Variants in ZFAT observed in about 807,000 individuals in gnomAD.
ZFAT encodes zinc finger protein ZFAT.
ZFAT carries 64 observed loss-of-function variants against 117.7 expected under a neutral mutation model. That is an observed-to-expected ratio of 0.54 (90% CI 0.44 to 0.67). The LOEUF is 0.67. Among genes scored for constraint, ZFAT ranks in the 30% least tolerant of loss-of-function variants. The probability of loss-of-function intolerance (pLI) is 0.00; values close to 1 mark genes in which losing one functional copy is unlikely to be tolerated. For missense variants in ZFAT, 1,433 were observed against 1,584.5 expected (o/e 0.90, Z 1.62); for synonymous variants, 679 against 615.0 (o/e 1.10, Z -1.54).
chr8:134,544,859 C>A (rs1822570551), intron 11 of ZFAT, among the ~76,000 whole-genome samples: 1 of 152,194 alleles, frequency 6.6e-6, no homozygotes, highest in South Asian at 2.1e-4. Flanking sequence ...CATGCGGCTG[C>A]AAACTGGTGC....
intron 10 of ZFAT, among the ~76,000 whole-genome samples, chr8:134,573,912 T>G (rs1320720701): frequency 1.3e-5 from 2 of 152,248 alleles, no homozygotes; most frequent in African/African-American, 2.4e-5. Context: ...GCACAGGGTC[T>G]GGAGTCAGAG....
intron 11 of ZFAT, among the ~76,000 whole-genome samples, chr8:134,554,495 G>A (rs536257354): frequency 2.4e-4 from 37 of 152,302 alleles, no homozygotes; most frequent in Admixed American, 2.1e-3. Context: ...CCTCTTCCCT[G>A]TGAAATGGAG....
the ZFAT span, among the ~76,000 whole-genome samples, chr8:134,737,150 C>T: frequency 6.6e-6 from 1 of 151,946 alleles, no homozygotes; most frequent in African/African-American, 2.4e-5. Flanking sequence ...CGTGGTGGCG[C>T]ATGATTGTAA....
chr8:134,709,319 T>C (rs1482272811), intron 1 of ZFAT, among the ~76,000 whole-genome samples: 2 of 152,196 alleles, frequency 1.3e-5, no homozygotes, highest in Non-Finnish European at 2.9e-5. Flanking sequence ...ACAAACCCCA[T>C]TTCCTGAATG....
intron 14 of ZFAT, chr8:134,510,654 T>C (rs1258039474): frequency 1.9e-5 from 3 of 156,220 alleles, no homozygotes; most frequent in Non-Finnish European, 4.3e-5. Context: ...AAATGTACCT[T>C]GCAGCCAACC....
At chr8:134,520,189 G>C (rs937849901) in intron 13 of ZFAT, among the ~76,000 whole-genome samples, 6 of 152,142 alleles carry the variant, frequency 3.9e-5, no homozygotes, top group African/African-American at 9.7e-5. Flanking sequence ...GATGGGGTTG[G>C]GGGGATGATG....
Position 134,563,594 on chromosome 8 carries a change from G to A in ZFAT, c.2976+1739C>T, listed in dbSNP as rs781233195. The stretch of plus-strand genomic sequence containing the variant: ...GCAGGTGAGTCAATATCATCATGGT[G>A]ACTGAAGTCAGTGGATATAGCCATG... On this transcript the variant is annotated intron_variant, in intron 11 of 15. Coordinates refer to ENST00000377838, the MANE Select transcript of ZFAT (RefSeq NM_020863.4). Among the ~76,000 whole-genome samples the A allele has an allele frequency of 2.0e-5, 3 of 152,330 alleles. No homozygotes were observed. In the South Asian group the frequency reaches 6.2e-4, roughly 32 times the overall value.
chr8:134,546,161 T>C (rs556346070), intron 11 of ZFAT, among the ~76,000 whole-genome samples: 10 of 152,328 alleles, frequency 6.6e-5, no homozygotes, highest in African/African-American at 1.9e-4. Context: ...TACTATAACA[T>C]ATTCCAAAAA....
intron 15 of ZFAT, among the ~76,000 whole-genome samples, chr8:134,480,842 G>A (rs1360297770): frequency 6.6e-6 from 1 of 152,218 alleles, no homozygotes. Flanking sequence ...CTGGCTTGGA[G>A]GGTCTCATCC....
At chr8:134,627,185 C>T (rs1395877832) in intron 3 of ZFAT, among the ~76,000 whole-genome samples, 1 of 152,184 alleles carries the variant, frequency 6.6e-6, no homozygotes, top group Non-Finnish European at 1.5e-5. Flanking sequence ...ATGTATTTTA[C>T]ACCATTCTGG....
chr8:134,492,868 A>C (rs574098762), intron 15 of ZFAT, among the ~76,000 whole-genome samples: 13 of 152,344 alleles, frequency 8.5e-5, no homozygotes, highest in African/African-American at 3.1e-4. Context: ...AATATGTGCA[A>C]GAAACTTGTG....
rs540456895 is a variant in ZFAT at position 134,553,148 on chromosome 8, G to A, written c.2976+12185C>T. On this transcript the variant is annotated intron_variant, in intron 11 of 15. Coordinates refer to ENST00000377838, the MANE Select transcript of ZFAT (RefSeq NM_020863.4). ...AGCAGTGAAGGGCAGGGCCACTGAG[G>A]AGAGAGACATTCACTGTTAGAAGGA... Among the ~76,000 whole-genome samples, 12 of 152,324 alleles carry A rather than the reference G, an allele frequency of 7.9e-5. No homozygotes were observed. In the East Asian group the frequency reaches 2.1e-3, roughly 27 times the overall value.
At chr8:134,726,861 C>A in the ZFAT span, among the ~76,000 whole-genome samples, 2 of 152,122 alleles carry the variant, frequency 1.3e-5, no homozygotes, top group African/African-American at 2.4e-5. Context: ...CACCGCCTCC[C>A]AAAATGCTGG....
chr8:134,753,905 G>GA, the ZFAT span, among the ~76,000 whole-genome samples: 8 of 152,132 alleles, frequency 5.3e-5, no homozygotes, highest in African/African-American at 1.9e-4. Context: ...TTTTGAAAAT[G>GA]AAAAAACAAC....
intron 1 of ZFAT, among the ~76,000 whole-genome samples, chr8:134,682,490 T>A (rs1025057363): frequency 1.3e-5 from 2 of 151,854 alleles, no homozygotes; most frequent in African/African-American, 4.8e-5. Flanking sequence ...CCTGTCTCTA[T>A]CAAAAATACA....
At chr8:134,576,597 T>C (rs1431187343) in intron 10 of ZFAT, among the ~76,000 whole-genome samples, 1 of 152,242 alleles carries the variant, frequency 6.6e-6, no homozygotes, top group Non-Finnish European at 1.5e-5. Flanking sequence ...ATTTACTTCC[T>C]GGTTCTGTTT....
chr8:134,803,117 C>A, the ZFAT span, among the ~76,000 whole-genome samples: 1 of 152,182 alleles, frequency 6.6e-6, no homozygotes, highest in Non-Finnish European at 1.5e-5. Flanking sequence ...CTAGGGATAA[C>A]TGGCCTAGCT....
At chr8:134,550,064 G>A (rs1396875587) in intron 11 of ZFAT, among the ~76,000 whole-genome samples, 1 of 152,130 alleles carries the variant, frequency 6.6e-6, no homozygotes, top group Non-Finnish European at 1.5e-5. Context: ...TCAGGTGAAT[G>A]AGAACATCAT....
chr8:134,726,493 C>T, the ZFAT span, among the ~76,000 whole-genome samples: 2 of 152,200 alleles, frequency 1.3e-5, no homozygotes, highest in Non-Finnish European at 2.9e-5. Context: ...CAGTTGAACG[C>T]CACCAATTTG....
Sources: allele counts gnomAD v4.1 joint callset (sites outside exome capture counted in the v4.1 genomes callset), GRCh38; gene constraint gnomAD v4.1.1; transcripts MANE v1.5; gene names NCBI Gene and HGNC (gene_info 2026-07-23, HGNC 2026-07-21).